SNURF: variants seen among roughly 807,000 people sequenced by gnomAD.
SNURF encodes SNRPN upstream open reading frame.
A neutral mutation model predicts 11.6 loss-of-function variants in SNURF; 6 were observed. The observed-to-expected ratio is 0.52, with a 90% CI of 0.28 to 1.02. The LOEUF is 1.02. Ranked by LOEUF, SNURF falls within the 50% of genes least tolerant of loss-of-function variation. SNURF has a pLI of 0.09. For missense variants in SNURF, 84 were observed against 88.4 expected (o/e 0.95, Z 0.20); for synonymous variants, 29 against 31.6 (o/e 0.92, Z 0.27).
At chr15:24,955,058 G>C (rs2062611368) in exon 1 of SNURF, 4 of 1,613,458 alleles carry the variant, frequency 2.5e-6, no homozygotes, top group Non-Finnish European at 2.5e-6. Flanking sequence ...GATGGAGCGG[G>C]CAAGGTCAGC....
In SNURF at chr15:24,955,022, T is replaced by C. The variant is rs540110981; in HGVS notation, c.-27T>C. On this transcript the variant is annotated 5_prime_UTR_variant, in exon 1 of 3. Transcript: ENST00000577949. The stretch of plus-strand genomic sequence containing the variant: ...GCGGCCGCCGGAGATGCCTGACGCA[T>C]CTGTCTGAGGAGCGGTCAGTGACGC... 3.1e-6 allele frequency: 5 copies of C among 1,612,624 alleles called. No individual in the cohort carries two copies. The African/African-American group carries it at 5.3e-5, about 17-fold the overall frequency.
intron 3 of SNURF, chr15:24,974,953 C>G: frequency 1.4e-6 from 1 of 702,918 alleles, no homozygotes; most frequent in Non-Finnish European, 2.6e-6. Context: ...ATGATGGACT[C>G]TCAGGTCAGA....
chr15:24,963,955 C>A (rs929147937), intron 2 of SNURF, among the ~76,000 whole-genome samples: 2 of 152,068 alleles, frequency 1.3e-5, no homozygotes, highest in Admixed American at 1.3e-4. Context: ...TCACTTGATC[C>A]CAGGAGGTTG....
downstream of SNURF, among the ~76,000 whole-genome samples, chr15:24,970,544 G>A (rs1189484779): frequency 6.6e-6 from 1 of 152,090 alleles, no homozygotes; most frequent in African/African-American, 2.4e-5. Flanking sequence ...GTGCCACTGC[G>A]CTTCAGCCTG....
At chr15:24,956,613 T>TA (rs1480696725) in intron 1 of SNURF, among the ~76,000 whole-genome samples, 5 of 152,026 alleles carry the variant, frequency 3.3e-5, no homozygotes, top group Non-Finnish European at 7.4e-5. Flanking sequence ...AGCGAGGGCT[T>TA]ACGCAGCTTT....
In SNURF at chr15:24,968,137, T is replaced by C; in HGVS notation, c.*100T>C. 6 of 1,027,868 alleles carry C rather than the reference T, an allele frequency of 5.8e-6. No homozygotes were observed. The South Asian group carries it at 7.9e-5, about 13-fold the overall frequency. 63.7% of individuals were successfully genotyped at this position (1,027,868 alleles called of 1,614,324 possible). On this transcript the variant is annotated 3_prime_UTR_variant, in exon 3 of 3. Transcript: ENST00000577949. ...TAAAGAATCATTAAAGAATGGGGTGTTGGGGGTTCTCTTAATTATCAGTGA... is the reference window on the plus strand; with the variant it reads ...TAAAGAATCATTAAAGAATGGGGTGCTGGGGGTTCTCTTAATTATCAGTGA...
At chr15:24,961,030 C>T (rs1186762620) in intron 1 of SNURF, among the ~76,000 whole-genome samples, 5 of 151,794 alleles carry the variant, frequency 3.3e-5, no homozygotes, top group Admixed American at 2.0e-4. Flanking sequence ...ATATTTTTTC[C>T]TATTCTGGTT....
intron 6 of SNURF, chr15:24,977,047 G>C: frequency 6.5e-7 from 1 of 1,541,096 alleles, no homozygotes; most frequent in Non-Finnish European, 8.7e-7. Context: ...ACCAGCAGAG[G>C]GTTTTATATT....
downstream of SNURF, among the ~76,000 whole-genome samples, chr15:24,969,886 TG>T (rs1408287703): frequency 2.0e-5 from 3 of 152,236 alleles, no homozygotes; most frequent in African/African-American, 4.8e-5. Flanking sequence ...ATGTTATCTT[TG>T]GCCACATTGG....
chr15:24,971,925 G>T (rs1020309160), downstream of SNURF, among the ~76,000 whole-genome samples: 3 of 152,162 alleles, frequency 2.0e-5, no homozygotes, highest in South Asian at 6.2e-4. Flanking sequence ...TGTCTCTTTG[G>T]ATGGCTGAAG....
At chr15:24,965,871 A>AT (rs5811370) in intron 2 of SNURF, among the ~76,000 whole-genome samples, 41 of 151,334 alleles carry the variant, frequency 2.7e-4, no homozygotes, top group South Asian at 1.3e-3. Context: ...CATTATATAT[A>AT]TTTTTTTTTA....
At chr15:24,966,547 A>T (rs893465192) in intron 2 of SNURF, among the ~76,000 whole-genome samples, 1 of 152,086 alleles carries the variant, frequency 6.6e-6, no homozygotes, top group African/African-American at 2.4e-5. Context: ...CCAACCCTTT[A>T]GTCTTTGTTT....
Sources: allele counts gnomAD v4.1 joint callset (sites outside exome capture counted in the v4.1 genomes callset), GRCh38; gene constraint gnomAD v4.1.1; transcripts MANE v1.5; gene names NCBI Gene and HGNC (gene_info 2026-07-23, HGNC 2026-07-21).